NIBAN1: variants seen among roughly 807,000 people sequenced by gnomAD.
The protein encoded by NIBAN1 is niban apoptosis regulator 1, also known as protein Niban 1.
A neutral mutation model predicts 75.1 loss-of-function variants in NIBAN1; 81 were observed. The observed-to-expected ratio is 1.08, with a 90% confidence interval of 0.90 to 1.30. NIBAN1 has a LOEUF of 1.30. Among genes scored for constraint, NIBAN1 ranks in the 50% most tolerant of loss-of-function variants. The pLI is 0.00. For synonymous variants in NIBAN1, 436 were observed against 424.8 expected, an observed-to-expected ratio of 1.03 and a Z score of -0.32; for missense variants, 1,133 against 1,128.1, an observed-to-expected ratio of 1.00 and a Z score of -0.06.
intron 1 of NIBAN1, among the ~76,000 whole-genome samples, chr1:184,907,526 T>C (rs2102000144): frequency 6.6e-6 from 1 of 152,332 alleles, no homozygotes; most frequent in Admixed American, 6.5e-5. Flanking sequence ...TCTCAAATTA[T>C]AACAGTCTAA....
At chr1:184,842,190 T>C (rs1028507532) in intron 5 of NIBAN1, among the ~76,000 whole-genome samples, 7 of 152,200 alleles carry the variant, frequency 4.6e-5, no homozygotes, top group Non-Finnish European at 1.0e-4. Context: ...TTGCCTTCCC[T>C]ACTGTTGTAA....
Position 184,791,692 on chromosome 1 carries a change from C to T in NIBAN1, c.*3285G>A, listed in dbSNP as rs775965706. The T allele has an allele frequency of 5.3e-5, 8 of 152,012 alleles. No homozygotes were observed. The highest frequency in any genetic ancestry group is 1.7e-4 in the African/African-American group (7 of 41,368). 9.4% of individuals were successfully genotyped at this position (152,012 alleles called of 1,614,324 possible). On this transcript the variant is annotated 3_prime_UTR_variant, in exon 14 of 14. Transcript: ENST00000367511. ...CCATGTCTCGAGGTTTTATGCATTT[C>T]TAATGGCTTTGCCCATAGGAGAGAT...
At chr1:184,917,694 A>G (rs900310423) in intron 1 of NIBAN1, among the ~76,000 whole-genome samples, 10 of 151,756 alleles carry the variant, frequency 6.6e-5, no homozygotes, top group Non-Finnish European at 2.9e-5. Flanking sequence ...TGTCCACCTC[A>G]AAAGGAAGAC....
Position 184,794,953 on chromosome 1 carries a change from A to G in NIBAN1, c.*24T>C, listed in dbSNP as rs1335487439. 1.9e-6 allele frequency: 3 copies of G among 1,604,294 alleles called. No individual in the cohort carries two copies. Among genetic ancestry groups the G allele is most frequent in the African/African-American group, 1.3e-5 (1 of 74,920 alleles). On this transcript the variant is annotated 3_prime_UTR_variant, in exon 14 of 14. Transcript: ENST00000367511. ...ATAACCCTTTGGCTTTTTTCAGAGAAAGACTTCAGCCAAATTGTCCCTTTC... is the reference window on the plus strand; with the variant it reads ...ATAACCCTTTGGCTTTTTTCAGAGAGAGACTTCAGCCAAATTGTCCCTTTC...
intron 5 of NIBAN1, among the ~76,000 whole-genome samples, chr1:184,853,787 TG>T (rs1239207952): frequency 6.6e-6 from 1 of 152,162 alleles, no homozygotes; most frequent in Non-Finnish European, 1.5e-5. Flanking sequence ...TTCTCTGGGC[TG>T]TAGAAAGTAA....
intron 8 of NIBAN1, among the ~76,000 whole-genome samples, chr1:184,820,060 A>T (rs1452126953): frequency 6.6e-6 from 1 of 152,264 alleles, no homozygotes; most frequent in Non-Finnish European, 1.5e-5. Context: ...TACACAAGTC[A>T]TAGAATTATT....
At chr1:184,858,358 T>C (rs534049540) in intron 5 of NIBAN1, among the ~76,000 whole-genome samples, 23 of 152,072 alleles carry the variant, frequency 1.5e-4, no homozygotes, top group Non-Finnish European at 2.9e-4. Context: ...AGAAAAAGAA[T>C]GAATAAATGA....
intron 5 of NIBAN1, among the ~76,000 whole-genome samples, chr1:184,866,594 A>G (rs1374500310): frequency 6.6e-6 from 1 of 152,216 alleles, no homozygotes; most frequent in African/African-American, 2.4e-5. Flanking sequence ...TGAAATTCAC[A>G]TTTCCAGAGA....
intron 3 of NIBAN1, 80 bp downstream of exon 3, chr1:184,893,995 G>A: frequency 3.5e-6 from 5 of 1,420,428 alleles, no homozygotes; most frequent in Non-Finnish European, 4.7e-6. Context: ...AGCCTTGTAG[G>A]AAGGAGAGGG....
chr1:184,816,231 A>C (rs755740391), intron 9 of NIBAN1, among the ~76,000 whole-genome samples: 1 of 152,206 alleles, frequency 6.6e-6, no homozygotes, highest in African/African-American at 2.4e-5. Flanking sequence ...CCCAATAGTC[A>C]TAATAATAGT....
chr1:184,917,368 A>ATTTTTT (rs1168037153), intron 1 of NIBAN1, among the ~76,000 whole-genome samples: 11 of 89,100 alleles, frequency 1.2e-4, no homozygotes, highest in African/African-American at 4.0e-4. Flanking sequence ...CGCCCGGCTA[A>ATTTTTT]TTTTTTTTTT....
rs963781959 is a variant in NIBAN1 at position 184,941,795 on chromosome 1, T to A, written c.55+32507A>T. ...TTACTAAATGCCAGTCAGAAGTGTT[T>A]CCCTGTGTCCCATGCTAAGTAATAA... On this transcript the variant is annotated intron_variant, in intron 1 of 13. Transcript: ENST00000367511. 2.6e-5 allele frequency among the ~76,000 whole-genome samples: 4 copies of A among 152,196 alleles called. No homozygotes were observed. The East Asian group carries it at 5.8e-4, about 22-fold the overall frequency.
At chr1:184,938,209 C>T (rs907519686) in intron 1 of NIBAN1, among the ~76,000 whole-genome samples, 3 of 152,082 alleles carry the variant, frequency 2.0e-5, no homozygotes, top group African/African-American at 7.2e-5. Context: ...AGATCAGTTA[C>T]AATTTGATAT....
intron 1 of NIBAN1, among the ~76,000 whole-genome samples, chr1:184,948,642 G>A (rs1658287551): frequency 6.6e-6 from 1 of 152,064 alleles, no homozygotes; most frequent in Non-Finnish European, 1.5e-5. Flanking sequence ...AGAAGAGAAT[G>A]GTTAAATAAA....
Position 184,890,206 on chromosome 1 carries a change from G to A in NIBAN1, c.335C>T (p.Ala112Val). ...YENKEAYQRG[A>V]APKCRILPAG... ...TGGAAGAATTCGACATTTAGGAGCA[G>A]CTCCTCTCTGATAGGCCTGGGGAGG... The change falls in exon 4 of 14, where the codon GCT becomes GTT. Residue 112 changes from alanine (A) to valine (V), a missense_variant. By Grantham distance (64) the Ala-to-Val change is moderately conservative. Coordinates refer to ENST00000367511, the MANE Select transcript of NIBAN1 (RefSeq NM_052966.4). 2 of 1,613,662 alleles carry A rather than the reference G, an allele frequency of 1.2e-6. No individual in the cohort carries two copies. The highest frequency in any genetic ancestry group is 1.7e-6 in the Non-Finnish European group (2 of 1,179,652).
At chr1:184,958,674 G>A (rs1431493069) in intron 1 of NIBAN1, among the ~76,000 whole-genome samples, 1 of 152,174 alleles carries the variant, frequency 6.6e-6, no homozygotes. Context: ...TTTTACTACA[G>A]TGATTATCAT....
chr1:184,952,264 T>A (rs1321012924), intron 1 of NIBAN1, among the ~76,000 whole-genome samples: 1 of 152,038 alleles, frequency 6.6e-6, no homozygotes, highest in Non-Finnish European at 1.5e-5. Flanking sequence ...ATAAGCCAGG[T>A]GTGGTGGCAC....
At chr1:184,851,104 AT>A (rs1655525213) in intron 5 of NIBAN1, among the ~76,000 whole-genome samples, 1 of 13,090 alleles carries the variant, frequency 7.6e-5, no homozygotes, top group Non-Finnish European at 1.3e-4. Context: ...TAGAAATACA[AT>A]TTGACCCAGC....
chr1:184,959,795 A>G (rs1571606235), intron 1 of NIBAN1, among the ~76,000 whole-genome samples: 1 of 152,244 alleles, frequency 6.6e-6, no homozygotes, highest in Non-Finnish European at 1.5e-5. Context: ...CATATCTATC[A>G]TAAGGCCTTT....
Sources: gnomAD v4.1 joint callset for allele counts (sites outside exome capture counted in the v4.1 genomes callset) on GRCh38, gnomAD v4.1.1 for gene constraint, MANE v1.5 for transcripts, NCBI Gene and HGNC (gene_info 2026-07-23, HGNC 2026-07-21) for gene names.